GGA3: variants seen among roughly 807,000 people sequenced by gnomAD.
GGA3 encodes ADP-ribosylation factor-binding protein GGA3.
A neutral mutation model predicts 77.5 loss-of-function variants in GGA3; 57 were observed. That is an observed-to-expected ratio of 0.74 (90% CI 0.59 to 0.92). GGA3 has a LOEUF of 0.92. GGA3 is among the 40% of genes least tolerant of loss of function. GGA3 has a pLI of 0.00. For synonymous variants in GGA3, 416 were observed against 383.7 expected, an observed-to-expected ratio of 1.08 and a Z score of -0.98; for missense variants, 970 against 914.9, an observed-to-expected ratio of 1.06 and a Z score of -0.78.
upstream of GGA3, chr17:75,262,277 C>T (rs2077415263): frequency 1.5e-6 from 1 of 654,382 alleles, no homozygotes; most frequent in Non-Finnish European, 2.6e-6. Flanking sequence ...CAAGCCCATC[C>T]TTACCGTTAG....
chr17:75,241,884 G>T, intron 8 of GGA3, 188 bp from the exon 9 acceptor site: 1 of 625,424 alleles, frequency 1.6e-6, no homozygotes. Flanking sequence ...CACCCAGGAT[G>T]TTTGTCTAGG....
chr17:75,240,139 G>A (rs1268053282), intron 12 of GGA3, 31 bp from the exon 13 acceptor site: 1 of 1,408,278 alleles, frequency 7.1e-7, no homozygotes, highest in East Asian at 2.5e-5. Context: ...GGTGAGCCGA[G>A]GGCGGGTGGG....
rs768076157 is a variant in GGA3, at chr17:75,237,469, T to A, written c.*810A>T. On this transcript the variant is annotated 3_prime_UTR_variant, in exon 17 of 17. Coordinates refer to ENST00000537686, the MANE Select transcript of GGA3 (RefSeq NM_138619.4). ...TTATTTCATGCCAAGCAAGAGGTAG[T>A]CAGTAGGATGGCCTGTCCCCACGGC... 4 of 1,534,160 alleles carry A rather than the reference T, an allele frequency of 2.6e-6. No homozygotes were observed. The highest frequency in any genetic ancestry group is 2.6e-6 in the Non-Finnish European group (3 of 1,145,212).
In GGA3 at chr17:75,243,521, A is replaced by C; in HGVS notation, c.350T>G (p.Leu117Arg). The change falls in exon 5 of 17, where the codon CTG (leucine) becomes CGG (arginine). Residue 117 changes from leucine (L) to arginine (R), a missense_variant. Coordinates refer to ENST00000537686, the MANE Select transcript of GGA3 (RefSeq NM_138619.4). ...CAGGGCCATGGTCCAGCTGTACAGC[A>C]GCTCAATAACCTTGGTCTTCACTTT... Reference protein sequence around the residue: ...SEKVKTKVIELLYSWTMALPE... With the variant: ...SEKVKTKVIERLYSWTMALPE... 6.2e-7 allele frequency: 1 copy of C among 1,614,108 alleles called. No homozygotes were observed. Among genetic ancestry groups the C allele is most frequent in the Non-Finnish European group, 8.5e-7 (1 of 1,179,950 alleles).
intron 1 of GGA3, among the ~76,000 whole-genome samples, chr17:75,254,802 C>T (rs2077086618): frequency 6.6e-6 from 1 of 152,204 alleles, no homozygotes. Flanking sequence ...GCCTAAACCG[C>T]AGTGGCCAGG....
At chr17:75,257,639 T>G (rs1358372002) in intron 1 of GGA3, among the ~76,000 whole-genome samples, 1 of 152,080 alleles carries the variant, frequency 6.6e-6, no homozygotes, top group Non-Finnish European at 1.5e-5. Flanking sequence ...CACCAATCAT[T>G]CTATACGACA....
chr17:75,245,943 A>G (rs374247202), intron 3 of GGA3, among the ~76,000 whole-genome samples: 7 of 152,202 alleles, frequency 4.6e-5, no homozygotes, highest in African/African-American at 1.7e-4. Flanking sequence ...AGAGCCCCGG[A>G]TTCCTCAGAT....
chr17:75,246,246 C>T (rs1381042905), intron 3 of GGA3, among the ~76,000 whole-genome samples: 1 of 152,260 alleles, frequency 6.6e-6, no homozygotes, highest in Non-Finnish European at 1.5e-5. Flanking sequence ...GGCTGCTTTC[C>T]TTAGCCCCTC....
intron 1 of GGA3, chr17:75,248,900 G>C (rs2145552020): frequency 1.0e-6 from 1 of 985,242 alleles, no homozygotes; most frequent in Non-Finnish European, 1.2e-6. Flanking sequence ...AGGGCTGCAG[G>C]GATCTGAGTA....
chr17:75,239,213 G>A, intron 14 of GGA3, 130 bp from the exon 15 acceptor site: 1 of 1,003,266 alleles, frequency 1.0e-6, no homozygotes, highest in Non-Finnish European at 1.4e-6. Context: ...TCTGGGAGAG[G>A]CGCTCAGTGA....
At chr17:75,258,348 G>A (rs2077226754) in intron 1 of GGA3, among the ~76,000 whole-genome samples, 1 of 152,150 alleles carries the variant, frequency 6.6e-6, no homozygotes, top group Admixed American at 6.6e-5. Context: ...GAAGGAATGA[G>A]GGCCTGATAA....
upstream of GGA3, chr17:75,261,692 G>A (rs894677915): frequency 1.6e-6 from 2 of 1,243,908 alleles, no homozygotes; most frequent in Non-Finnish European, 2.2e-6. Context: ...TGCCGTCACC[G>A]AGGGCCGCGC....
Position 75,239,376 on chromosome 17 carries a change from AG to A in GGA3, c.1778del (p.Pro593LeufsTer7). ...SIHVPLESIK[P>X]SSALPVTAYD... ...CCACCTCAATCCTCCAACACCTACTAGGCTTGATCGATTCCAGGGGCACGTG... is the reference window on the plus strand; with the variant it reads ...CCACCTCAATCCTCCAACACCTACTAGCTTGATCGATTCCAGGGGCACGTG... On this transcript the variant is annotated frameshift_variant and splice_region_variant, in exon 14 of 17. Transcript: ENST00000537686. LOFTEE classifies it high-confidence loss of function. 1 of 1,542,344 alleles carries A rather than the reference AG, an allele frequency of 6.5e-7. No homozygotes were observed. Among genetic ancestry groups the A allele is most frequent in the Non-Finnish European group, 8.7e-7 (1 of 1,150,724 alleles).
intron 5 of GGA3, 121 bp downstream of exon 5, chr17:75,243,326 G>T (rs1343096695): frequency 1.5e-6 from 2 of 1,330,796 alleles, no homozygotes; most frequent in Non-Finnish European, 2.1e-6. Flanking sequence ...ACTCAGCCTT[G>T]CCTGGGGACA....
intron 1 of GGA3, among the ~76,000 whole-genome samples, chr17:75,247,806 T>C (rs976398677): frequency 8.5e-5 from 13 of 152,134 alleles, no homozygotes; most frequent in African/African-American, 2.4e-4. Context: ...AGAGGGCCCC[T>C]GGGATTTAAA....
chr17:75,244,634 TTTGA>T lies in GGA3; in HGVS notation c.281_284del (p.Ile94LysfsTer16). ...GCTGACTGACCTTTGGAGAGACGAC[TTTGA>T]TTAACTCATTCAAAAAGCGGAACTT... On this transcript the variant is annotated frameshift_variant, in exon 4 of 17. Coordinates refer to ENST00000537686, the MANE Select transcript of GGA3 (RefSeq NM_138619.4). LOFTEE classifies it high-confidence loss of function. 4 of 1,611,602 alleles carry T rather than the reference TTTGA, an allele frequency of 2.5e-6. No individual in the cohort carries two copies. Among genetic ancestry groups the T allele is most frequent in the Non-Finnish European group, 3.4e-6 (4 of 1,177,622 alleles).
chr17:75,241,054 T>C lies in GGA3; in HGVS notation c.950A>G (p.Asn317Ser). The change falls in exon 11 of 17, where the codon AAC becomes AGC. Residue 317 changes from asparagine to serine, a missense_variant. Coordinates refer to ENST00000537686, the MANE Select transcript of GGA3 (RefSeq NM_138619.4). ...ATLTLPDSEG[N>S]SQCSNQGTLI... ...CGTGCCTTGGTTACTGCACTGACTG[T>C]TTCCTGGATGGGTCAACAGAGCAGA... 1 of 1,614,062 alleles carries C rather than the reference T, an allele frequency of 6.2e-7. No homozygotes were observed. The highest frequency in any genetic ancestry group is 8.5e-7 in the Non-Finnish European group (1 of 1,180,004).
At chr17:75,244,249 G>A (rs2076677354) in intron 4 of GGA3, among the ~76,000 whole-genome samples, 1 of 152,128 alleles carries the variant, frequency 6.6e-6, no homozygotes, top group Non-Finnish European at 1.5e-5. Context: ...GGCCAGCTGA[G>A]CATCGGAGCA....
At chr17:75,258,669 CAAATAAAT>C (rs1008940968) in intron 1 of GGA3, among the ~76,000 whole-genome samples, 1 of 151,952 alleles carries the variant, frequency 6.6e-6, no homozygotes, top group Non-Finnish European at 1.5e-5. Context: ...GACTCTGTCT[CAAATAAAT>C]AAATAAATAA....
Sources: allele counts gnomAD v4.1 joint callset (sites outside exome capture counted in the v4.1 genomes callset), GRCh38; gene constraint gnomAD v4.1.1; transcripts MANE v1.5; gene names NCBI Gene and HGNC (gene_info 2026-07-23, HGNC 2026-07-21).